The following SLC35F1 variants were observed in gnomAD, a reference collection of about 807,000 sequenced individuals.
SLC35F1 encodes solute carrier family 35 member F1.
Under a neutral mutation model 48.7 loss-of-function variants are expected in SLC35F1, and 14 were observed. That is an observed-to-expected ratio of 0.29 (90% CI 0.19 to 0.45). SLC35F1 has a LOEUF of 0.45. Among genes scored for constraint, SLC35F1 ranks in the 20% least tolerant of loss-of-function variants. The probability of loss-of-function intolerance (pLI) is 1.00; values close to 1 mark genes in which losing one functional copy is unlikely to be tolerated. For synonymous variants in SLC35F1, 190 were observed against 202.2 expected, an observed-to-expected ratio of 0.94 and a Z score of 0.51; for missense variants, 404 against 500.0, an observed-to-expected ratio of 0.81 and a Z score of 1.83.
chr6:118,302,980 G>GAAAAA (rs5879459), intron 7 of SLC35F1, among the ~76,000 whole-genome samples: 24 of 145,460 alleles, frequency 1.6e-4, no homozygotes, highest in African/African-American at 5.5e-4. Flanking sequence ...AGCTTATTTA[G>GAAAAA]AAAAAAAAAA....
chr6:118,230,416 C>T (rs1775277756), intron 2 of SLC35F1, among the ~76,000 whole-genome samples: 1 of 151,800 alleles, frequency 6.6e-6, no homozygotes, highest in Non-Finnish European at 1.5e-5. Flanking sequence ...AATTAGAAGT[C>T]TATCAGTGGA....
chr6:118,070,502 A>G (rs1041344482), intron 1 of SLC35F1, among the ~76,000 whole-genome samples: 13 of 152,200 alleles, frequency 8.5e-5, no homozygotes, highest in African/African-American at 3.1e-4. Flanking sequence ...GCACATACAC[A>G]TACATAACTG....
chr6:117,964,696 G>C (rs958032537), intron 1 of SLC35F1, among the ~76,000 whole-genome samples: 16 of 152,282 alleles, frequency 1.1e-4, no homozygotes, highest in African/African-American at 3.8e-4. Flanking sequence ...TGAAGATTTA[G>C]GCTCTGGCTT....
chr6:118,201,873 T>C (rs1774877646), intron 2 of SLC35F1, among the ~76,000 whole-genome samples: 1 of 152,234 alleles, frequency 6.6e-6, no homozygotes, highest in South Asian at 2.1e-4. Context: ...AATATGTGGT[T>C]TTCATGAATA....
At position 118,237,280 on chromosome 6, in the gene SLC35F1, T is replaced by A. The variant is rs1263334191; in HGVS notation, c.477+1644T>A. ...AAGCCATCACCTAGGACTCCCCCAG[T>A]TACATTTTCTTTATTTTGCGCAAGA... On this transcript the variant is annotated intron_variant, in intron 3 of 7. Transcript: ENST00000360388. Among the ~76,000 whole-genome samples the A allele has an allele frequency of 2.0e-5, 3 of 151,508 alleles. No individual in the cohort carries two copies. The East Asian group carries it at 5.8e-4, about 29-fold the overall frequency.
At position 118,221,392 on chromosome 6, in the gene SLC35F1, C is replaced by T. The variant is rs530494457; in HGVS notation, c.350-14117C>T. Reference sequence around the variant, plus strand: ...CTTAGCTATTATGAGCTTGTCAAAACCTCTGCTGGAAGAGTTGCCAAGTAT... The same window carrying T: ...CTTAGCTATTATGAGCTTGTCAAAATCTCTGCTGGAAGAGTTGCCAAGTAT... On this transcript the variant is annotated intron_variant, in intron 2 of 7. Coordinates refer to ENST00000360388, the MANE Select transcript of SLC35F1 (RefSeq NM_001029858.4). Among the ~76,000 whole-genome samples the T allele has an allele frequency of 5.9e-5, 9 of 152,282 alleles. No homozygotes were observed. The South Asian group carries it at 1.9e-3, about 32-fold the overall frequency.
chr6:117,917,559 G>A (rs970233647), intron 1 of SLC35F1, among the ~76,000 whole-genome samples: 7 of 151,892 alleles, frequency 4.6e-5, no homozygotes, highest in African/African-American at 1.5e-4. Context: ...ATGAGGGAGA[G>A]GAATAAAGAA....
intron 1 of SLC35F1, among the ~76,000 whole-genome samples, chr6:118,093,166 A>C (rs1188171319): frequency 1.3e-5 from 2 of 152,096 alleles, no homozygotes; most frequent in African/African-American, 4.8e-5. Context: ...AAATACAAAA[A>C]TTAGCAGGGT....
intron 1 of SLC35F1, among the ~76,000 whole-genome samples, chr6:118,079,481 T>G (rs974128352): frequency 1.3e-5 from 2 of 152,206 alleles, no homozygotes; most frequent in African/African-American, 4.8e-5. Context: ...CACAATTATC[T>G]GCTTGAGTCC....
intron 1 of SLC35F1, among the ~76,000 whole-genome samples, chr6:117,966,394 G>A (rs369637116): frequency 5.9e-5 from 9 of 151,650 alleles, no homozygotes; most frequent in East Asian, 1.9e-4. Context: ...CACTCGCCGC[G>A]AAGATCTGCA....
chr6:118,041,166 T>C (rs1303562429), intron 1 of SLC35F1, among the ~76,000 whole-genome samples: 5 of 152,148 alleles, frequency 3.3e-5, no homozygotes, highest in South Asian at 2.1e-4. Context: ...AGTAGCCAAA[T>C]TGGCTATTTA....
At chr6:118,255,377 T>G (rs1775628753) in intron 3 of SLC35F1, among the ~76,000 whole-genome samples, 1 of 152,232 alleles carries the variant, frequency 6.6e-6, no homozygotes, top group Non-Finnish European at 1.5e-5. Flanking sequence ...GGTTCACTGA[T>G]GATCAGAACT....
intron 2 of SLC35F1, among the ~76,000 whole-genome samples, chr6:118,158,541 C>T (rs1774178320): frequency 6.6e-6 from 1 of 152,154 alleles, no homozygotes; most frequent in South Asian, 2.1e-4. Context: ...ACAAATCTTT[C>T]TTTATAGTTT....
chr6:118,026,559 C>G (rs937639958), intron 1 of SLC35F1, among the ~76,000 whole-genome samples: 1 of 152,128 alleles, frequency 6.6e-6, no homozygotes, highest in Non-Finnish European at 1.5e-5. Flanking sequence ...CTTTGGGAAT[C>G]CCAGCGTTGT....
At chr6:118,264,868 G>T (rs1049251441) in intron 3 of SLC35F1, among the ~76,000 whole-genome samples, 10 of 152,192 alleles carry the variant, frequency 6.6e-5, no homozygotes, top group Non-Finnish European at 1.5e-4. Flanking sequence ...ACCTACCTTA[G>T]AGCATATTAC....
At chr6:118,071,134 C>CAT (rs1358476325) in intron 1 of SLC35F1, among the ~76,000 whole-genome samples, 3 of 111,934 alleles carry the variant, frequency 2.7e-5, no homozygotes, top group South Asian at 2.8e-4. Flanking sequence ...TACATATATA[C>CAT]ATATATATAC....
At chr6:117,923,806 T>TGC (rs1775976117) in intron 1 of SLC35F1, among the ~76,000 whole-genome samples, 3 of 83,624 alleles carry the variant, frequency 3.6e-5, no homozygotes, top group African/African-American at 1.2e-4. Flanking sequence ...TATATACATA[T>TGC]ACACATACAT....
intron 1 of SLC35F1, among the ~76,000 whole-genome samples, chr6:117,908,561 T>C (rs916513663): frequency 6.6e-6 from 1 of 152,192 alleles, no homozygotes; most frequent in African/African-American, 2.4e-5. Context: ...CGCCCAGTTA[T>C]TCCGAAGCGC....
At chr6:118,110,969 A>G (rs890413801) in intron 1 of SLC35F1, among the ~76,000 whole-genome samples, 2 of 152,120 alleles carry the variant, frequency 1.3e-5, no homozygotes, top group African/African-American at 4.8e-5. Context: ...ACTTTGGTAC[A>G]ACACTTTTCC....
Sources: gnomAD v4.1 joint callset for allele counts (sites outside exome capture counted in the v4.1 genomes callset) on GRCh38, gnomAD v4.1.1 for gene constraint, MANE v1.5 for transcripts, NCBI Gene and HGNC (gene_info 2026-07-23, HGNC 2026-07-21) for gene names.